REPS1: variants seen among roughly 807,000 people sequenced by gnomAD.
REPS1 encodes the protein ralBP1-associated Eps domain-containing protein 1.
Under a neutral mutation model 100.9 loss-of-function variants are expected in REPS1, and 39 were observed. That is an observed-to-expected ratio of 0.39 (90% confidence interval 0.30 to 0.50). The LOEUF (loss-of-function observed/expected upper bound fraction) is 0.50. Among genes scored for constraint, REPS1 ranks in the 20% least tolerant of loss-of-function variants. REPS1 has a pLI of 0.86. For synonymous variants in REPS1, 324 were observed against 340.3 expected (o/e 0.95, Z 0.53); for missense variants, 821 against 968.5 (o/e 0.85, Z 2.02).
intron 1 of REPS1, among the ~76,000 whole-genome samples, chr6:138,960,810 G>A (rs909332498): frequency 2.8e-4 from 42 of 152,210 alleles, no homozygotes; most frequent in African/African-American, 7.9e-4. Context: ...TAAATGTGAC[G>A]TATTTTGCTT....
At chr6:138,931,795 C>T (rs1781500931) in intron 8 of REPS1, among the ~76,000 whole-genome samples, 1 of 152,008 alleles carries the variant, frequency 6.6e-6, no homozygotes. Flanking sequence ...ACTTTATCCC[C>T]AGTGATAACA....
chr6:138,987,166 C>T (rs1785311075), intron 1 of REPS1, among the ~76,000 whole-genome samples: 1 of 152,218 alleles, frequency 6.6e-6, no homozygotes. Context: ...AACTTTACTA[C>T]TCTGCAGGAT....
At chr6:138,969,269 ATTTTTTTT>A (rs71013004) in intron 1 of REPS1, among the ~76,000 whole-genome samples, 7,077 of 74,236 alleles carry the variant, frequency 0.095, 465 homozygotes, top group East Asian at 0.31. Context: ...CAAAGCTGTA[ATTTTTTTT>A]TTTTTTTTTT....
chr6:138,906,384 G>A (rs927770742), intron 19 of REPS1, among the ~76,000 whole-genome samples: 2 of 152,196 alleles, frequency 1.3e-5, no homozygotes, highest in Non-Finnish European at 2.9e-5. Flanking sequence ...GGACAAGACG[G>A]TCATAAGTTT....
In REPS1 at chr6:138,912,891, A is replaced by C; in HGVS notation, c.1845T>G (p.Ser615Arg). 6.2e-7 allele frequency: 1 copy of C among 1,614,152 alleles called. No individual in the cohort carries two copies. The highest frequency in any genetic ancestry group is 1.6e-4 in the Middle Eastern group (1 of 6,062). The change falls in exon 16 of 20, where the codon AGT (serine) becomes AGG (arginine). Residue 615 changes from serine (S) to arginine (R), a missense_variant. Coordinates refer to ENST00000450536, the MANE Select transcript of REPS1 (RefSeq NM_001286611.2). Reference sequence around the variant, plus strand: ...GCTCTGGTATCTGCTGAGGTGAGGTACTAGTGTGAGTTATGAGGCCATCGG... The same window carrying C: ...GCTCTGGTATCTGCTGAGGTGAGGTCCTAGTGTGAGTTATGAGGCCATCGG... ...VDADGLITHT[S>R]TSPQQIPEQP... is the part of the protein sequence containing the mutation.
chr6:138,947,993 G>T, intron 1 of REPS1, 80 bp from the exon 2 acceptor site: 1 of 1,300,458 alleles, frequency 7.7e-7, no homozygotes, highest in Non-Finnish European at 1.0e-6. Context: ...CAACTTGTTT[G>T]TAACGTCTCA....
Position 138,915,946 on chromosome 6 carries a change from A to G in REPS1, c.1632T>C (p.Thr544=). The G allele has an allele frequency of 3.1e-6, 5 of 1,613,990 alleles. No homozygotes were observed. Among genetic ancestry groups the G allele is most frequent in the Non-Finnish European group, 3.4e-6 (4 of 1,179,904 alleles). ...GCCTTGGAGGGGGAGGTGGTGGTGC[A>G]GTGTTATCAGGCGACGTTCCTGAAT... ...RSHSGTSPDN[T]APPPPPPRPQ... The change falls in exon 14 of 20, where the codon ACT becomes ACC. Residue 544 remains threonine (T), a synonymous_variant. Transcript: ENST00000450536.
At chr6:138,919,459 T>G (rs940315758) in intron 12 of REPS1, among the ~76,000 whole-genome samples, 3 of 152,220 alleles carry the variant, frequency 2.0e-5, no homozygotes, top group African/African-American at 7.2e-5. Context: ...AAACCTTCGA[T>G]TGGCTTTTCA....
intron 12 of REPS1, among the ~76,000 whole-genome samples, chr6:138,919,247 A>G (rs1002746): frequency 0.07 from 10,654 of 152,092 alleles, 703 homozygotes; most frequent in East Asian, 0.21. Flanking sequence ...AATGTACACA[A>G]TATAGCCAGA....
chr6:138,905,094 C>T lies in REPS1; in HGVS notation c.2361G>A (p.Leu787=), dbSNP rs1397851354. 6.2e-7 allele frequency: 1 copy of T among 1,613,534 alleles called. No individual in the cohort carries two copies. Among genetic ancestry groups the T allele is most frequent in the Non-Finnish European group, 8.5e-7 (1 of 1,179,706 alleles). Residue 787 remains leucine, a synonymous_variant, in exon 20 of 20, where the codon CTG becomes CTA. Transcript: ENST00000450536. ...LEERISLEVQ[L]EQLRPFSHL ...GGTGAGAGAATGGTCGAAGTTGTTC[C>T]AGTTGAACTTCCAGGGAAATTCTCT...
Position 138,987,828 on chromosome 6 carries a change from C to T in REPS1, c.-146G>A, listed in dbSNP as rs979219611. The T allele has an allele frequency of 2.9e-5, 30 of 1,020,762 alleles. No individual in the cohort carries two copies. The African/African-American group carries it at 4.2e-4, about 14-fold the overall frequency. 63.2% of individuals were successfully genotyped at this position (1,020,762 alleles called of 1,614,324 possible). On this transcript the variant is annotated 5_prime_UTR_variant, in exon 1 of 20. Coordinates refer to ENST00000450536, the MANE Select transcript of REPS1 (RefSeq NM_001286611.2). ...GCCCCGGCCTCACACGCGCCAGGTG[C>T]GCCCGAGCAACAGGGCCCGGAGGTC...
At chr6:138,972,646 C>G (rs1386111969) in intron 1 of REPS1, among the ~76,000 whole-genome samples, 8 of 145,582 alleles carry the variant, frequency 5.5e-5, no homozygotes, top group African/African-American at 2.1e-4. Flanking sequence ...CAGAGAAATA[C>G]ATGTGAGTTT....
At chr6:138,953,463 A>C (rs987855976) in intron 1 of REPS1, among the ~76,000 whole-genome samples, 1 of 152,170 alleles carries the variant, frequency 6.6e-6, no homozygotes, top group African/African-American at 2.4e-5. Flanking sequence ...ATTAATATCT[A>C]AAATATACAA....
chr6:138,955,457 AG>A (rs1458199789), intron 1 of REPS1, among the ~76,000 whole-genome samples: 1,209 of 90,720 alleles, frequency 0.013, 7 homozygotes, highest in African/African-American at 0.022. Flanking sequence ...AAAAAAAAAA[AG>A]TGTGTGTGTG....
chr6:138,987,384 CGG>C, intron 1 of REPS1, 144 bp downstream of exon 1: 2 of 851,028 alleles, frequency 2.4e-6, no homozygotes, highest in Non-Finnish European at 3.5e-6. Flanking sequence ...CCAGGCCTCC[CGG>C]GCACCTGCGG....
intron 1 of REPS1, among the ~76,000 whole-genome samples, chr6:138,952,052 G>C (rs1261484025): frequency 6.6e-6 from 1 of 152,146 alleles, no homozygotes. Context: ...GGGCCAGTTA[G>C]TGATTGTTGC....
chr6:138,916,988 C>G (rs545025474), intron 13 of REPS1, among the ~76,000 whole-genome samples: 133 of 152,330 alleles, frequency 8.7e-4, no homozygotes, highest in African/African-American at 3.1e-3. Flanking sequence ...GCTACATCCA[C>G]TGGGCACACA....
At chr6:138,980,869 G>GA (rs1342016002) in intron 1 of REPS1, among the ~76,000 whole-genome samples, 3 of 151,944 alleles carry the variant, frequency 2.0e-5, no homozygotes, top group Non-Finnish European at 4.4e-5. Flanking sequence ...TTTTCTTTTC[G>GA]ACATTGGCAC....
At chr6:138,926,689 G>C in intron 9 of REPS1, 1 of 515,772 alleles carries the variant, frequency 1.9e-6, no homozygotes, top group Non-Finnish European at 3.5e-6. Context: ...ACAATCAAAA[G>C]TATAGTAATG....
Sources: gnomAD v4.1 joint callset for allele counts (sites outside exome capture counted in the v4.1 genomes callset) on GRCh38, gnomAD v4.1.1 for gene constraint, MANE v1.5 for transcripts, NCBI Gene and HGNC (gene_info 2026-07-23, HGNC 2026-07-21) for gene names.